Variants in CASD1 observed in about 807,000 individuals in gnomAD.
CASD1 encodes CAS1 domain sialic acid O acetyltransferase 1.
CASD1 carries 41 observed loss-of-function variants against 100.0 expected under a neutral mutation model. The ratio of observed to expected loss-of-function variants is 0.41; its 90% CI spans 0.32 to 0.53. The LOEUF is 0.53. Ranked by LOEUF, CASD1 falls within the 20% of genes least tolerant of loss-of-function variation. CASD1 has a pLI of 0.25. For synonymous variants in CASD1, 321 were observed against 315.6 expected (o/e 1.02, Z -0.18); for missense variants, 774 against 948.7 (o/e 0.82, Z 2.42).
chr7:94,571,652 G>A, the CASD1 span, among the ~76,000 whole-genome samples: 3 of 152,132 alleles, frequency 2.0e-5, no homozygotes, highest in Non-Finnish European at 2.9e-5. Context: ...ACTTAGATAC[G>A]TAGTTAAAGA....
At chr7:94,528,072 G>T in intron 4 of CASD1, 116 bp from the exon 5 acceptor site, 1 of 710,676 alleles carries the variant, frequency 1.4e-6, no homozygotes. Flanking sequence ...AAGATGTCTT[G>T]GACAAGGTAG....
At position 94,555,690 on chromosome 7, in the gene CASD1, G is replaced by A. The variant is rs1415034774; in HGVS notation, c.2326G>A (p.Ala776Thr). Residue 776 changes from alanine to threonine, a missense_variant, in exon 18 of 18, where the codon GCA becomes ACA. Physicochemically the swap from Ala to Thr is moderately conservative, Grantham distance 58. Coordinates refer to ENST00000297273, the MANE Select transcript of CASD1 (RefSeq NM_022900.5). ...TAACTCATCTCTCTTGAAAAGGTTG[G>A]CATGTATAGCTGCATTTTTTTGTGG... is the stretch of plus-strand genomic sequence containing the variant. ...KDNSSLLKRL[A>T]CIAAFFCGLL... 1.1e-5 allele frequency: 17 copies of A among 1,613,088 alleles called. No individual in the cohort carries two copies. The highest frequency in any genetic ancestry group is 1.4e-5 in the Non-Finnish European group (17 of 1,179,514).
the CASD1 span, among the ~76,000 whole-genome samples, chr7:94,570,312 A>G: frequency 9.2e-5 from 14 of 151,812 alleles, no homozygotes; most frequent in African/African-American, 3.4e-4. Context: ...TGTACCTTCT[A>G]TAATTATTTT....
chr7:94,517,720 G>A lies in CASD1; in HGVS notation c.230+64G>A, dbSNP rs1794047045. On this transcript the variant is annotated intron_variant, in intron 2 of 17. Transcript: ENST00000297273. ...GGGTCTTAATATGTAGTGGAGAGGG[G>A]TTGGTGAAACAGTACTTTTCATCTC... 4 of 969,746 alleles carry A rather than the reference G, an allele frequency of 4.1e-6. No individual in the cohort carries two copies. In the South Asian group the frequency reaches 5.9e-5, roughly 14 times the overall value. 60.1% of individuals were successfully genotyped at this position (969,746 alleles called of 1,614,324 possible).
At chr7:94,574,826 C>T in the CASD1 span, among the ~76,000 whole-genome samples, 3 of 151,952 alleles carry the variant, frequency 2.0e-5, no homozygotes, top group Admixed American at 6.6e-5. Flanking sequence ...AAAAATTAGC[C>T]GGGCATGGCA....
At chr7:94,597,493 C>T in the CASD1 span, 3 of 151,980 alleles carry the variant, frequency 2.0e-5, no homozygotes, top group East Asian at 1.9e-4. Context: ...GCAGAGTTCC[C>T]AGGTAAATGT....
At chr7:94,602,736 T>C in the CASD1 span, among the ~76,000 whole-genome samples, 1 of 152,168 alleles carries the variant, frequency 6.6e-6, no homozygotes, top group African/African-American at 2.4e-5. Context: ...TTTTCCTAAA[T>C]CTGTTAACAT....
the CASD1 span, among the ~76,000 whole-genome samples, chr7:94,602,859 A>G: frequency 6.6e-6 from 1 of 152,138 alleles, no homozygotes; most frequent in Non-Finnish European, 1.5e-5. Context: ...CTATAATTTG[A>G]GTTGTCAGAA....
the CASD1 span, chr7:94,624,007 T>C: frequency 5.1e-6 from 2 of 391,394 alleles, no homozygotes; most frequent in African/African-American, 2.1e-5. Flanking sequence ...AGTAAACATT[T>C]GCAGAGCCAA....
chr7:94,614,835 C>T, the CASD1 span, among the ~76,000 whole-genome samples: 3,941 of 151,760 alleles, frequency 0.026, 77 homozygotes, highest in Non-Finnish European at 0.043. Context: ...AAAATATTCT[C>T]CCATTAAAAA....
chr7:94,593,999 T>C, the CASD1 span, among the ~76,000 whole-genome samples: 1 of 152,078 alleles, frequency 6.6e-6, no homozygotes, highest in African/African-American at 2.4e-5. Context: ...CCCCAGAATG[T>C]GTACTGTAAA....
the CASD1 span, chr7:94,594,623 A>G: frequency 1.3e-5 from 2 of 152,144 alleles, no homozygotes; most frequent in Non-Finnish European, 2.9e-5. Flanking sequence ...ACAGTAAAGT[A>G]CCGAAACTGG....
chr7:94,618,743 T>C, the CASD1 span: 2 of 1,605,406 alleles, frequency 1.2e-6, no homozygotes, highest in East Asian at 4.5e-5. Context: ...GGCAATGAGA[T>C]AAAGATCTGC....
At chr7:94,526,435 C>T (rs1350839285) in intron 3 of CASD1, among the ~76,000 whole-genome samples, 2 of 152,198 alleles carry the variant, frequency 1.3e-5, no homozygotes, top group African/African-American at 4.8e-5. Flanking sequence ...AGCCATGTGG[C>T]TCTGCCTAAC....
In CASD1 at chr7:94,549,531, A is replaced by G; in HGVS notation, c.1714-2A>G. The G allele has an allele frequency of 6.3e-7, 1 of 1,595,616 alleles. No homozygotes were observed. The highest frequency in any genetic ancestry group is 1.1e-5 in the South Asian group (1 of 87,902). On this transcript the variant is annotated splice_acceptor_variant, in intron 13 of 17. Coordinates refer to ENST00000297273, the MANE Select transcript of CASD1 (RefSeq NM_022900.5). LOFTEE classifies it high-confidence loss of function. ...ATTTATTTTCTGGATTCCTTTTTTC[A>G]GGGTGCATTTGAGAAGATCTTTTCT...
At chr7:94,574,697 G>A in the CASD1 span, among the ~76,000 whole-genome samples, 6 of 151,724 alleles carry the variant, frequency 4.0e-5, no homozygotes, top group African/African-American at 1.2e-4. Context: ...TGAGCCGGGT[G>A]TGGTGGCTCA....
chr7:94,530,843 A>G (rs1794817362), intron 5 of CASD1, among the ~76,000 whole-genome samples: 2 of 152,228 alleles, frequency 1.3e-5, no homozygotes, highest in Non-Finnish European at 2.9e-5. Flanking sequence ...TGGCAGTAAA[A>G]GGAGTAGGAA....
At chr7:94,520,282 A>G (rs1452136034) in intron 3 of CASD1, among the ~76,000 whole-genome samples, 1 of 152,236 alleles carries the variant, frequency 6.6e-6, no homozygotes, top group Non-Finnish European at 1.5e-5. Flanking sequence ...AATCTGGCAT[A>G]TTATAAAAGC....
chr7:94,619,108 G>C, the CASD1 span: 2 of 655,644 alleles, frequency 3.1e-6, no homozygotes, highest in East Asian at 5.5e-5. Context: ...CTGTTTAACA[G>C]AGGATGTATC....
Sources: allele counts gnomAD v4.1 joint callset (sites outside exome capture counted in the v4.1 genomes callset), GRCh38; gene constraint gnomAD v4.1.1; transcripts MANE v1.5; gene names NCBI Gene and HGNC (gene_info 2026-07-23, HGNC 2026-07-21).